GTF2B: variants seen among roughly 807,000 people sequenced by gnomAD.
GTF2B encodes the protein general transcription factor IIB, also known as transcription initiation factor IIB.
A neutral mutation model predicts 34.6 loss-of-function variants in GTF2B; 20 were observed. The observed-to-expected ratio is 0.58, with a 90% CI of 0.41 to 0.84. The LOEUF (loss-of-function observed/expected upper bound fraction) is 0.84, where lower values mean the gene tolerates loss of function less well. GTF2B is among the 40% of genes least tolerant of loss of function. The pLI, the probability that GTF2B is intolerant of heterozygous loss-of-function variation, is 0.00. For synonymous variants in GTF2B, 142 were observed against 132.4 expected (o/e 1.07, Z -0.50); for missense variants, 237 against 393.3 (o/e 0.60, Z 3.36).
At chr1:88,880,042 G>A (rs1316120073) in intron 2 of GTF2B, among the ~76,000 whole-genome samples, 1 of 151,934 alleles carries the variant, frequency 6.6e-6, no homozygotes, top group Admixed American at 6.6e-5. Context: ...CTGGGCGACA[G>A]AGCAAGACTC....
intron 1 of GTF2B, among the ~76,000 whole-genome samples, chr1:88,891,105 G>A (rs2100984168): frequency 1.1e-5 from 1 of 95,204 alleles, no homozygotes; most frequent in Admixed American, 1.7e-4. Context: ...TTGGGCCGTA[G>A]ATGAAAAAAA....
In GTF2B at chr1:88,891,503, C is replaced by T. The variant is rs760788906; in HGVS notation, c.-4G>A. ...CTAACCGGCTGGTAGACGCCATCTT[C>T]ACGGCGACTGCGGTGCCCGCAACAA... On this transcript the variant is annotated 5_prime_UTR_variant, in exon 1 of 7. Transcript: ENST00000370500. The T allele has an allele frequency of 1.2e-6, 2 of 1,602,412 alleles. No homozygotes were observed. The highest frequency in any genetic ancestry group is 1.7e-6 in the Non-Finnish European group (2 of 1,174,202).
intron 2 of GTF2B, among the ~76,000 whole-genome samples, chr1:88,869,058 T>C (rs1249393770): frequency 6.6e-6 from 1 of 152,142 alleles, no homozygotes; most frequent in Non-Finnish European, 1.5e-5. Flanking sequence ...GTATTCTGCA[T>C]CCGCGGATTC....
At chr1:88,889,222 T>G (rs1023943001) in intron 1 of GTF2B, among the ~76,000 whole-genome samples, 1 of 152,182 alleles carries the variant, frequency 6.6e-6, no homozygotes, top group South Asian at 2.1e-4. Context: ...CTTTTCATGG[T>G]TTTAGTCTAT....
At chr1:88,874,869 C>G (rs1254678988) in intron 2 of GTF2B, among the ~76,000 whole-genome samples, 5 of 151,828 alleles carry the variant, frequency 3.3e-5, no homozygotes, top group Non-Finnish European at 7.4e-5. Context: ...GTTCAAGAAT[C>G]TGAACGTATT....
Position 88,860,151 on chromosome 1 carries a change from G to A in GTF2B, c.394C>T (p.Arg132Ter). 1 of 1,614,026 alleles carries A rather than the reference G, an allele frequency of 6.2e-7. No homozygotes were observed. The highest frequency in any genetic ancestry group is 8.5e-7 in the Non-Finnish European group (1 of 1,179,956). The change falls in exon 4 of 7, where the codon CGA (arginine) becomes TGA (stop). Residue 132 changes from arginine to a stop codon, truncating the protein, a stop_gained. Transcript: ENST00000370500. LOFTEE classifies it high-confidence loss of function. ...TTMADRINLP[R>*]NIVDRTNNLF... Reference sequence around the variant, plus strand: ...AGACAAGAACTTACAACTATATTTCGAGGTAGATTGATTCTGTCTGCCATG... The same window carrying A: ...AGACAAGAACTTACAACTATATTTCAAGGTAGATTGATTCTGTCTGCCATG...
At chr1:88,884,017 CACTG>C (rs1415501123) in intron 2 of GTF2B, among the ~76,000 whole-genome samples, 2 of 148,220 alleles carry the variant, frequency 1.3e-5, no homozygotes, top group African/African-American at 5.0e-5. Flanking sequence ...TCAAGCTCAG[CACTG>C]ACTTTTTTTT....
chr1:88,882,179 G>A (rs1386182766), intron 2 of GTF2B, among the ~76,000 whole-genome samples: 1 of 151,820 alleles, frequency 6.6e-6, no homozygotes, highest in Non-Finnish European at 1.5e-5. Context: ...GTGTGGTGGT[G>A]CATGCCTGTA....
intron 1 of GTF2B, 127 bp downstream of exon 1, chr1:88,891,356 C>T: frequency 1.5e-6 from 1 of 660,948 alleles, no homozygotes. Flanking sequence ...GGCCCGTCGG[C>T]CAGTCCCGCC....
At chr1:88,855,091 G>C (rs1002267441) in intron 6 of GTF2B, among the ~76,000 whole-genome samples, 1 of 152,150 alleles carries the variant, frequency 6.6e-6, no homozygotes, top group Non-Finnish European at 1.5e-5. Context: ...TTGTTCATTA[G>C]AATAAACTTT....
intron 6 of GTF2B, among the ~76,000 whole-genome samples, chr1:88,854,428 G>T (rs1201169658): frequency 2.0e-5 from 3 of 152,062 alleles, no homozygotes; most frequent in African/African-American, 7.2e-5. Context: ...GTCATTAAAA[G>T]AAATACTAAA....
intron 3 of GTF2B, among the ~76,000 whole-genome samples, chr1:88,860,513 C>T (rs1028779895): frequency 6.6e-6 from 1 of 151,654 alleles, no homozygotes; most frequent in African/African-American, 2.4e-5. Context: ...AAACACCTGA[C>T]AAAACAATGG....
intron 2 of GTF2B, among the ~76,000 whole-genome samples, chr1:88,864,960 T>G (rs1199686564): frequency 6.6e-6 from 1 of 151,338 alleles, no homozygotes; most frequent in African/African-American, 2.5e-5. Flanking sequence ...GAAACGCACA[T>G]CAGAGTTTGT....
intron 2 of GTF2B, among the ~76,000 whole-genome samples, chr1:88,881,888 A>C (rs1673954336): frequency 6.6e-6 from 1 of 152,160 alleles, no homozygotes; most frequent in African/African-American, 2.4e-5. Flanking sequence ...AATTCCAAGC[A>C]CAAGAAAGCA....
chr1:88,874,406 G>A (rs1673766473), intron 2 of GTF2B, among the ~76,000 whole-genome samples: 1 of 151,460 alleles, frequency 6.6e-6, no homozygotes, highest in African/African-American at 2.4e-5. Flanking sequence ...CAAACTCCTG[G>A]GCTCAAACAA....
intron 2 of GTF2B, among the ~76,000 whole-genome samples, chr1:88,877,527 G>A: frequency 6.6e-6 from 1 of 152,158 alleles, no homozygotes; most frequent in East Asian, 1.9e-4. Context: ...TCAAATTCAT[G>A]AACTGATTAT....
At chr1:88,873,387 G>A (rs1673744698) in intron 2 of GTF2B, among the ~76,000 whole-genome samples, 2 of 151,732 alleles carry the variant, frequency 1.3e-5, no homozygotes, top group South Asian at 2.1e-4. Context: ...TTTTAGTAGA[G>A]ACGAGGTTTC....
Position 88,887,304 on chromosome 1 carries a change from G to A in GTF2B, c.81C>T (p.Tyr27=), listed in dbSNP as rs1570739107. ...NHPDAILVED[Y]RAGDMICPEC... Reference sequence around the variant, plus strand: ...CAGGACAGATCATATCACCGGCTCTGTAGTCCTCCACTAAAATCGCATCTG... The same window carrying A: ...CAGGACAGATCATATCACCGGCTCTATAGTCCTCCACTAAAATCGCATCTG... Residue 27 remains tyrosine (Y), a synonymous_variant, in exon 2 of 7, where the codon TAC becomes TAT. Coordinates refer to ENST00000370500, the MANE Select transcript of GTF2B (RefSeq NM_001514.6). 6.2e-7 allele frequency: 1 copy of A among 1,612,026 alleles called. No individual in the cohort carries two copies. The highest frequency in any genetic ancestry group is 8.5e-7 in the Non-Finnish European group (1 of 1,178,112).
At chr1:88,856,884 C>T (rs1464083557) in intron 6 of GTF2B, among the ~76,000 whole-genome samples, 3 of 151,272 alleles carry the variant, frequency 2.0e-5, no homozygotes, top group Non-Finnish European at 2.9e-5. Flanking sequence ...TTGCTGTAAC[C>T]TCCACCTCCC....
Sources: allele counts gnomAD v4.1 joint callset (sites outside exome capture counted in the v4.1 genomes callset), GRCh38; gene constraint gnomAD v4.1.1; transcripts MANE v1.5; gene names NCBI Gene and HGNC (gene_info 2026-07-23, HGNC 2026-07-21).